GARIN2: variants seen among roughly 807,000 people sequenced by gnomAD.
The protein encoded by GARIN2 is golgi associated RAB2 interactor family member 2, also known as Golgi-associated RAB2 interactor protein 2.
chr14:67,191,246 C>T, the GARIN2 span, among the ~76,000 whole-genome samples: 1 of 152,100 alleles, frequency 6.6e-6, no homozygotes, highest in Non-Finnish European at 1.5e-5. Context: ...AAAAAAACAG[C>T]CATCATGTAA....
At chr14:67,193,090 A>ATCTCTATATATCTCTATATAGATATC in the GARIN2 span, among the ~76,000 whole-genome samples, 6 of 144,044 alleles carry the variant, frequency 4.2e-5, no homozygotes, top group Admixed American at 1.4e-4. Flanking sequence ...ATCTATCTAT[A>ATCTCTATATATCTCTATATAGATATC]TCTCTATATA....
the GARIN2 span, among the ~76,000 whole-genome samples, chr14:67,221,196 T>C: frequency 6.6e-6 from 1 of 152,356 alleles, no homozygotes; most frequent in African/African-American, 2.4e-5. Flanking sequence ...TAGCCTCTTC[T>C]TTTATCCAAC....
the GARIN2 span, among the ~76,000 whole-genome samples, chr14:67,227,297 G>A: frequency 9.9e-5 from 15 of 151,938 alleles, no homozygotes; most frequent in African/African-American, 2.9e-4. Context: ...AAAATTAGCC[G>A]GGCATGGTGG....
At chr14:67,200,190 TC>T in the GARIN2 span, 1 of 1,148,698 alleles carries the variant, frequency 8.7e-7, no homozygotes, top group Non-Finnish European at 1.2e-6. Flanking sequence ...GTGGACTTCC[TC>T]CACTGATGCC....
chr14:67,222,999 CTT>C, the GARIN2 span, among the ~76,000 whole-genome samples: 19 of 124,742 alleles, frequency 1.5e-4, no homozygotes, highest in Non-Finnish European at 2.5e-4. Context: ...TCCCATTGGG[CTT>C]TTTTTTTTTT....
the GARIN2 span, among the ~76,000 whole-genome samples, chr14:67,193,606 T>A: frequency 6.9e-6 from 1 of 145,638 alleles, no homozygotes; most frequent in Non-Finnish European, 1.5e-5. Context: ...TATCTATAGA[T>A]ATATAGATAG....
At chr14:67,203,977 G>A in the GARIN2 span, among the ~76,000 whole-genome samples, 3 of 152,214 alleles carry the variant, frequency 2.0e-5, no homozygotes, top group Non-Finnish European at 4.4e-5. Context: ...CTCCCAAAGT[G>A]CTGGGATTAC....
the GARIN2 span, chr14:67,208,282 T>C: frequency 7.6e-5 from 123 of 1,613,866 alleles, no homozygotes; most frequent in Non-Finnish European, 9.7e-5. Context: ...CCTCAAAACA[T>C]GTCACCATCT....
the GARIN2 span, among the ~76,000 whole-genome samples, chr14:67,212,244 T>G: frequency 1.3e-5 from 2 of 152,162 alleles, no homozygotes. Flanking sequence ...TTGTCACTAA[T>G]AATTCATTTT....
chr14:67,214,749 C>A, the GARIN2 span, among the ~76,000 whole-genome samples: 1 of 152,096 alleles, frequency 6.6e-6, no homozygotes, highest in Non-Finnish European at 1.5e-5. Context: ...CTATAAATTA[C>A]CTTGGGCAGT....
the GARIN2 span, chr14:67,224,983 A>G: frequency 1.4e-6 from 1 of 723,006 alleles, no homozygotes; most frequent in Non-Finnish European, 2.2e-6. Flanking sequence ...ACATAATCTG[A>G]ATTTAATATT....
chr14:67,197,625 A>C, the GARIN2 span, among the ~76,000 whole-genome samples: 1 of 152,168 alleles, frequency 6.6e-6, no homozygotes, highest in Non-Finnish European at 1.5e-5. Flanking sequence ...CCAAGAGCTA[A>C]GCCTCAGTTA....
chr14:67,198,736 G>A, the GARIN2 span, among the ~76,000 whole-genome samples: 1 of 152,114 alleles, frequency 6.6e-6, no homozygotes, highest in African/African-American at 2.4e-5. Context: ...GATGGTGTCG[G>A]GGAGAAAAGC....
At chr14:67,223,869 C>T in the GARIN2 span, 2 of 985,598 alleles carry the variant, frequency 2.0e-6, no homozygotes, top group African/African-American at 1.7e-5. Flanking sequence ...ACCCTGTACC[C>T]CAAGAAAAGC....
chr14:67,201,129 A>G, the GARIN2 span, among the ~76,000 whole-genome samples: 1,832 of 152,276 alleles, frequency 0.012, 19 homozygotes, highest in Non-Finnish European at 0.018. Context: ...CCCATCTCTA[A>G]AAACACTTTT....
the GARIN2 span, among the ~76,000 whole-genome samples, chr14:67,214,275 C>T: frequency 6.6e-6 from 1 of 152,120 alleles, no homozygotes; most frequent in Admixed American, 6.6e-5. Flanking sequence ...CCTAGGTTTT[C>T]TTTTAGGGTT....
the GARIN2 span, among the ~76,000 whole-genome samples, chr14:67,215,742 C>T: frequency 3.3e-5 from 5 of 152,234 alleles, no homozygotes; most frequent in Middle Eastern, 3.4e-3. Flanking sequence ...TCCAACTTAG[C>T]AATTTGTCCT....
At chr14:67,192,452 AG>A in the GARIN2 span, among the ~76,000 whole-genome samples, 12 of 152,012 alleles carry the variant, frequency 7.9e-5, no homozygotes, top group Non-Finnish European at 1.6e-4. Context: ...ATGATATCTT[AG>A]TAAGGTGATT....
chr14:67,195,553 C>T, the GARIN2 span, among the ~76,000 whole-genome samples: 2 of 152,154 alleles, frequency 1.3e-5, no homozygotes, highest in Non-Finnish European at 2.9e-5. Flanking sequence ...AATTGTTTTT[C>T]CAAAATGTGC....
Sources: gnomAD v4.1 joint callset for allele counts (sites outside exome capture counted in the v4.1 genomes callset) on GRCh38, gnomAD v4.1.1 for gene constraint, MANE v1.5 for transcripts, NCBI Gene and HGNC (gene_info 2026-07-23, HGNC 2026-07-21) for gene names.